The following SMARCA2 variants were observed in gnomAD, a reference collection of about 807,000 sequenced individuals.
SMARCA2 encodes the protein SWI/SNF related BAF chromatin remodeling complex subunit ATPase 2.
In SMARCA2, 61 loss-of-function variants were observed where a neutral mutation model predicts 199.8. That is an observed-to-expected ratio of 0.31 (90% confidence interval 0.25 to 0.38). The LOEUF (loss-of-function observed/expected upper bound fraction) is 0.38, where lower values mean the gene tolerates loss of function less well. SMARCA2 is among the 10% of genes least tolerant of loss of function. The pLI is 1.00. For missense variants in SMARCA2, 1,344 were observed against 2,012.2 expected (o/e 0.67, Z 6.35); for synonymous variants, 935 against 732.0 (o/e 1.28, Z -4.48).
At chr9:2,190,802 A>C (rs116463324) in intron 32 of SMARCA2, among the ~76,000 whole-genome samples, 1 of 152,226 alleles carries the variant, frequency 6.6e-6, no homozygotes, top group East Asian at 1.9e-4. Context: ...TTTATGTTAA[A>C]AATATGATTG....
At position 2,191,369 on chromosome 9, in the gene SMARCA2, A is replaced by G; in HGVS notation, c.4698A>G (p.Val1566=). The change falls in exon 33 of 34, where the codon GTA becomes GTG. Residue 1566 remains valine (V), a synonymous_variant. Transcript: ENST00000349721. The part of the protein sequence containing the change: ...KRPNRGKAKP[V]VSDFDSDEEQ... Reference sequence around the variant, plus strand: ...CAAATCGAGGAAAAGCCAAACCTGTAGTGAGCGATTTTGACAGCGATGAGG... The same window carrying G: ...CAAATCGAGGAAAAGCCAAACCTGTGGTGAGCGATTTTGACAGCGATGAGG... The G allele has an allele frequency of 6.2e-7, 1 of 1,614,232 alleles. No homozygotes were observed.
At chr9:2,061,990 G>C (rs1820612714) in intron 9 of SMARCA2, among the ~76,000 whole-genome samples, 1 of 152,104 alleles carries the variant, frequency 6.6e-6, no homozygotes, top group African/African-American at 2.4e-5. Flanking sequence ...TTTTGTTGGT[G>C]AGGAATACCT....
intron 27 of SMARCA2, chr9:2,158,472 A>G (rs925868702): frequency 6.5e-6 from 1 of 154,092 alleles, no homozygotes; most frequent in Admixed American, 6.5e-5. Context: ...TTAAATCTAG[A>G]GGCAGTTGAG....
intron 9 of SMARCA2, among the ~76,000 whole-genome samples, chr9:2,063,040 A>G (rs1563741915): frequency 1.3e-5 from 2 of 152,118 alleles, no homozygotes; most frequent in Non-Finnish European, 2.9e-5. Flanking sequence ...CACATGATCA[A>G]TGTGCAGAAT....
chr9:2,062,079 T>A (rs1271520733), intron 9 of SMARCA2, among the ~76,000 whole-genome samples: 1 of 152,054 alleles, frequency 6.6e-6, no homozygotes, highest in East Asian at 1.9e-4. Flanking sequence ...GTTTTCAGAG[T>A]TAGTGAGGAA....
At chr9:2,183,940 C>T (rs1012041020) in intron 31 of SMARCA2, among the ~76,000 whole-genome samples, 3 of 152,168 alleles carry the variant, frequency 2.0e-5, no homozygotes, top group Non-Finnish European at 4.4e-5. Context: ...TATCTGTTTT[C>T]ACTCTGACTG....
chr9:2,135,278 T>C (rs1824144665), intron 27 of SMARCA2, among the ~76,000 whole-genome samples: 1 of 152,198 alleles, frequency 6.6e-6, no homozygotes, highest in African/African-American at 2.4e-5. Context: ...CAGCCCTCAA[T>C]GGATTGGATG....
At chr9:2,032,802 C>T (rs1328529617) in intron 2 of SMARCA2, 150 bp from the exon 3 acceptor site, 9 of 578,544 alleles carry the variant, frequency 1.6e-5, no homozygotes, top group Admixed American at 3.5e-5. Flanking sequence ...GTTTGCTGAT[C>T]CTTTTGGTCT....
rs1233297260 is a variant in SMARCA2, at chr9:2,123,593, A to T, written c.3763-126A>T. 2 of 799,502 alleles carry T rather than the reference A, an allele frequency of 2.5e-6. No homozygotes were observed. Among genetic ancestry groups the T allele is most frequent in the Non-Finnish European group, 4.3e-6 (2 of 469,052 alleles). 49.5% of individuals were successfully genotyped at this position (799,502 alleles called of 1,614,324 possible). Reference sequence around the variant, plus strand: ...AGGGATGAGCTAGAACAAGCCAACCAGGATGAGAGAGGTTGAAAGGGACCC... The same window carrying T: ...AGGGATGAGCTAGAACAAGCCAACCTGGATGAGAGAGGTTGAAAGGGACCC... On this transcript the variant is annotated intron_variant, in intron 26 of 33. Transcript: ENST00000349721. This position sits in a 1 kb window ranked among gnomAD's most constrained non-coding sequence, Gnocchi z 4.1.
intron 25 of SMARCA2, among the ~76,000 whole-genome samples, chr9:2,116,286 T>C (rs928570760): frequency 1.3e-5 from 2 of 152,222 alleles, no homozygotes; most frequent in Non-Finnish European, 2.9e-5. Flanking sequence ...CCCTCCTTTT[T>C]CCCAGGGTGG....
intron 19 of SMARCA2, among the ~76,000 whole-genome samples, chr9:2,094,742 G>C (rs1822198293): frequency 1.3e-5 from 2 of 152,202 alleles, no homozygotes; most frequent in African/African-American, 4.8e-5. Context: ...GGCTATCCCA[G>C]TACAGCTCTT....
intron 3 of SMARCA2, among the ~76,000 whole-genome samples, chr9:2,038,109 T>C (rs1296717494): frequency 2.6e-5 from 4 of 152,218 alleles, no homozygotes; most frequent in African/African-American, 9.7e-5. Flanking sequence ...TTTGAAACTT[T>C]CAAGTCCCTA....
chr9:2,160,846 C>A, intron 27 of SMARCA2: 2 of 374,950 alleles, frequency 5.3e-6, no homozygotes, highest in Non-Finnish European at 4.7e-6. Context: ...TATTTTTCCC[C>A]TTTATTTTTC....
intron 28 of SMARCA2, among the ~76,000 whole-genome samples, chr9:2,168,338 G>T (rs570369081): frequency 6.6e-6 from 1 of 152,152 alleles, no homozygotes; most frequent in Non-Finnish European, 1.5e-5. Flanking sequence ...TTACATTATA[G>T]CAGCTTTCCA....
chr9:2,094,275 C>T (rs149135325), intron 19 of SMARCA2, among the ~76,000 whole-genome samples: 10 of 152,336 alleles, frequency 6.6e-5, no homozygotes, highest in African/African-American at 2.4e-4. Context: ...ACTCTGCCTT[C>T]TAAGAGCAGC....
chr9:2,057,082 G>T (rs1185668210), intron 7 of SMARCA2, among the ~76,000 whole-genome samples: 1 of 152,210 alleles, frequency 6.6e-6, no homozygotes. Flanking sequence ...GCACAATGAG[G>T]TTTAGTATTG....
chr9:2,146,439 C>T (rs1245545519), intron 27 of SMARCA2, among the ~76,000 whole-genome samples: 1 of 152,092 alleles, frequency 6.6e-6, no homozygotes, highest in Non-Finnish European at 1.5e-5. Flanking sequence ...CGGATCCCAC[C>T]ACTTACTCAA....
At chr9:2,137,890 C>G (rs939710298) in intron 27 of SMARCA2, among the ~76,000 whole-genome samples, 14 of 152,152 alleles carry the variant, frequency 9.2e-5, no homozygotes, top group African/African-American at 3.1e-4. Flanking sequence ...TAAGATGAGT[C>G]AAGGTAGAAA....
At chr9:2,100,015 C>T (rs997133302) in intron 21 of SMARCA2, among the ~76,000 whole-genome samples, 2 of 152,084 alleles carry the variant, frequency 1.3e-5, no homozygotes, top group East Asian at 3.9e-4. Context: ...TGGAGCCTAC[C>T]GTAGATCATG....
Sources: allele counts gnomAD v4.1 joint callset (sites outside exome capture counted in the v4.1 genomes callset), GRCh38; gene constraint gnomAD v4.1.1; non-coding constraint Gnocchi (gnomAD v3.1); transcripts MANE v1.5; gene names NCBI Gene and HGNC (gene_info 2026-07-23, HGNC 2026-07-21).